The following MTCH2 variants were observed in gnomAD, a reference collection of about 807,000 sequenced individuals.
MTCH2 encodes mitochondrial carrier 2, also known as mitochondrial carrier homolog 2.
A neutral mutation model predicts 50.6 loss-of-function variants in MTCH2; 25 were observed. That is an observed-to-expected ratio of 0.49 (90% CI 0.36 to 0.69). The LOEUF is 0.69. MTCH2 is among the 30% of genes least tolerant of loss of function. MTCH2 has a pLI of 0.00. For missense variants in MTCH2, 273 were observed against 384.4 expected (o/e 0.71, Z 2.42); for synonymous variants, 106 against 132.0 (o/e 0.80, Z 1.35).
chr11:47,636,481 C>T (rs2097308685), intron 3 of MTCH2, among the ~76,000 whole-genome samples: 1 of 151,846 alleles, frequency 6.6e-6, no homozygotes, highest in Non-Finnish European at 1.5e-5. Context: ...CCTGTAATCC[C>T]AGCACTTTGC....
At chr11:47,624,093 A>T (rs183145070) in intron 11 of MTCH2, among the ~76,000 whole-genome samples, 19 of 151,832 alleles carry the variant, frequency 1.3e-4, no homozygotes, top group African/African-American at 4.6e-4. Flanking sequence ...TTAGCCAGGC[A>T]TGCTGGTGGG....
chr11:47,633,526 A>ATATATATAT (rs1378774715), intron 5 of MTCH2, among the ~76,000 whole-genome samples: 1 of 35,078 alleles, frequency 2.9e-5, no homozygotes, highest in Non-Finnish European at 5.9e-5. Context: ...ATATATATAT[A>ATATATATAT]TTTTTTTTTT....
the MTCH2 span, among the ~76,000 whole-genome samples, chr11:47,608,427 G>A: frequency 1.3e-5 from 2 of 152,154 alleles, no homozygotes; most frequent in Admixed American, 6.5e-5. Context: ...TTCAAAGTTC[G>A]ATTGGGGGAG....
At chr11:47,623,334 T>C (rs908814896) in intron 11 of MTCH2, among the ~76,000 whole-genome samples, 7 of 135,976 alleles carry the variant, frequency 5.1e-5, no homozygotes, top group Admixed American at 8.2e-5. Flanking sequence ...ATTGCACTAC[T>C]GCACTCCAGC....
intron 1 of MTCH2, among the ~76,000 whole-genome samples, chr11:47,641,772 G>C (rs900050454): frequency 6.6e-6 from 1 of 152,154 alleles, no homozygotes; most frequent in African/African-American, 2.4e-5. Context: ...GCTGGAAAGC[G>C]CTCAATGCAT....
At chr11:47,613,792 A>G (rs1426486939), downstream of MTCH2, among the ~76,000 whole-genome samples, 1 of 152,124 alleles carries the variant, frequency 6.6e-6, no homozygotes, top group African/African-American at 2.4e-5. Context: ...GATGGCTTAC[A>G]TAACATTTGG....
chr11:47,614,871 C>A (rs1004690411), downstream of MTCH2, among the ~76,000 whole-genome samples: 19 of 152,124 alleles, frequency 1.2e-4, no homozygotes, highest in African/African-American at 4.6e-4. Context: ...AGCCACCGCA[C>A]CCAGTCTTTT....
At chr11:47,611,480 G>A in the MTCH2 span, among the ~76,000 whole-genome samples, 1 of 152,200 alleles carries the variant, frequency 6.6e-6, no homozygotes, top group African/African-American at 2.4e-5. Flanking sequence ...TACTCTGTGT[G>A]GAAATAAAAG....
intron 5 of MTCH2, among the ~76,000 whole-genome samples, chr11:47,632,001 A>T (rs2153799856): frequency 6.6e-6 from 1 of 152,320 alleles, no homozygotes; most frequent in South Asian, 2.1e-4. Context: ...AGAGAAAAAA[A>T]TAAAGAAACA....
the MTCH2 span, among the ~76,000 whole-genome samples, chr11:47,611,789 C>A: frequency 6.6e-6 from 1 of 152,214 alleles, no homozygotes; most frequent in Admixed American, 6.5e-5. Context: ...TAAAAACATT[C>A]TTTTTCAGAG....
At chr11:47,605,864 T>G in the MTCH2 span, among the ~76,000 whole-genome samples, 1 of 152,248 alleles carries the variant, frequency 6.6e-6, no homozygotes, top group Non-Finnish European at 1.5e-5. Flanking sequence ...GTTGATATTT[T>G]TATCATTTTC....
intron 12 of MTCH2, among the ~76,000 whole-genome samples, chr11:47,621,217 C>T (rs1163404193): frequency 6.6e-6 from 1 of 152,186 alleles, no homozygotes; most frequent in Non-Finnish European, 1.5e-5. Flanking sequence ...AGAGCAACTA[C>T]AAACAACACT....
intron 5 of MTCH2, 137 bp from the exon 6 acceptor site, chr11:47,631,848 A>C: frequency 1.3e-6 from 1 of 781,566 alleles, no homozygotes; most frequent in East Asian, 2.6e-5. Context: ...TGGAGTCAAG[A>C]AGAGTTTGAA....
chr11:47,639,066 G>C lies in MTCH2; in HGVS notation c.88-15C>G. On this transcript the variant is annotated splice_polypyrimidine_tract_variant and intron_variant, in intron 1 of 12. Transcript: ENST00000302503. Reference sequence around the variant, plus strand: ...TCATATCCCACCTTTAAAAACAATGGAATATATCAATATTAAAGCAATATT... The same window carrying C: ...TCATATCCCACCTTTAAAAACAATGCAATATATCAATATTAAAGCAATATT... The C allele has an allele frequency of 6.4e-7, 1 of 1,569,752 alleles. No individual in the cohort carries two copies. The highest frequency in any genetic ancestry group is 8.7e-7 in the Non-Finnish European group (1 of 1,154,312).
chr11:47,620,071 C>T lies in MTCH2; in HGVS notation c.826-1152G>A, dbSNP rs574933703. Among the ~76,000 whole-genome samples the T allele has an allele frequency of 2.6e-5, 4 of 151,220 alleles. No individual in the cohort carries two copies. In the East Asian group the frequency reaches 7.8e-4, roughly 30 times the overall value. ...TAGCCTGGATGACAGAGCAAGCCTC[C>T]GTCTCAAACAAAACAAAACAAAACA... On this transcript the variant is annotated intron_variant, in intron 12 of 12. Transcript: ENST00000302503.
Position 47,631,058 on chromosome 11 carries a change from T to C in MTCH2, c.457A>G (p.Ile153Val), listed in dbSNP as rs763507254. Residue 153 changes from isoleucine (I) to valine (V), a missense_variant, in exon 7 of 13, where the codon ATT becomes GTT. Ile to Val is a conservative substitution (Grantham distance 29). Around this residue, in one of 2 missense-constraint regions of MTCH2, gnomAD observed 203 missense variants for 244.3 expected, o/e 0.83. Transcript: ENST00000302503. The part of the protein sequence containing the change: ...VITLRSMVQF[I>V]GRESKYCGLC... Reference sequence around the variant, plus strand: ...TACCAGTACTTGGATTCTCTGCCAATGAACTGTACCATAGATCTCAGAGTG... The same window carrying C: ...TACCAGTACTTGGATTCTCTGCCAACGAACTGTACCATAGATCTCAGAGTG... The C allele has an allele frequency of 1.2e-6, 2 of 1,613,118 alleles. No individual in the cohort carries two copies. The highest frequency in any genetic ancestry group is 1.7e-6 in the Non-Finnish European group (2 of 1,179,164).
At chr11:47,619,477 G>A (rs903432966) in intron 12 of MTCH2, among the ~76,000 whole-genome samples, 5 of 151,954 alleles carry the variant, frequency 3.3e-5, no homozygotes, top group Admixed American at 6.6e-5. Context: ...CAAGTGATCC[G>A]CCTATCTTGG....
intron 4 of MTCH2, among the ~76,000 whole-genome samples, chr11:47,635,137 GA>G (rs2097307380): frequency 6.6e-6 from 1 of 152,004 alleles, no homozygotes; most frequent in African/African-American, 2.4e-5. Context: ...GGAGTGCAGT[GA>G]TGTGATCATG....
the MTCH2 span, among the ~76,000 whole-genome samples, chr11:47,612,243 C>T: frequency 1.4e-4 from 21 of 151,428 alleles, no homozygotes; most frequent in African/African-American, 4.9e-4. Flanking sequence ...ATAGCAAACC[C>T]TGTCTCTACT....
Sources: allele counts gnomAD v4.1 joint callset (sites outside exome capture counted in the v4.1 genomes callset), GRCh38; gene constraint gnomAD v4.1.1; regional missense constraint gnomAD v4.1.1; transcripts MANE v1.5; gene names NCBI Gene and HGNC (gene_info 2026-07-23, HGNC 2026-07-21).